ADGRB3: variants seen among roughly 807,000 people sequenced by gnomAD.
The protein encoded by ADGRB3 is adhesion G protein-coupled receptor B3, also known as brain-specific angiogenesis inhibitor 3.
Under a neutral mutation model 193.4 loss-of-function variants are expected in ADGRB3, and 37 were observed. The observed-to-expected ratio is 0.19, with a 90% CI of 0.15 to 0.25. The LOEUF (loss-of-function observed/expected upper bound fraction) is 0.25, where lower values mean the gene tolerates loss of function less well. Among genes scored for constraint, ADGRB3 ranks in the 10% least tolerant of loss-of-function variants. The pLI, the probability that ADGRB3 is intolerant of heterozygous loss-of-function variation, is 1.00. For synonymous variants in ADGRB3, 690 were observed against 644.2 expected (o/e 1.07, Z -1.08); for missense variants, 1,637 against 1,852.9 (o/e 0.88, Z 2.14).
intron 17 of ADGRB3, among the ~76,000 whole-genome samples, chr6:69,203,711 T>A (rs996499117): frequency 1.3e-5 from 2 of 152,284 alleles, no homozygotes; most frequent in East Asian, 3.9e-4. Context: ...CATGTATCAT[T>A]ACATCTTTCT....
intron 6 of ADGRB3, among the ~76,000 whole-genome samples, chr6:68,953,189 C>T (rs953820848): frequency 6.6e-6 from 1 of 152,088 alleles, no homozygotes; most frequent in Non-Finnish European, 1.5e-5. Context: ...CTCTTATTCT[C>T]TCTTTGCCAG....
intron 17 of ADGRB3, among the ~76,000 whole-genome samples, chr6:69,178,616 C>T (rs889772265): frequency 6.6e-6 from 1 of 152,078 alleles, no homozygotes; most frequent in Non-Finnish European, 1.5e-5. Flanking sequence ...TTTAGAACTC[C>T]CTTAAGGATT....
intron 3 of ADGRB3, among the ~76,000 whole-genome samples, chr6:68,762,818 A>T (rs1028080554): frequency 6.6e-6 from 1 of 152,110 alleles, no homozygotes; most frequent in East Asian, 1.9e-4. Context: ...CATTCTCTCA[A>T]AAAACCTGCT....
At chr6:69,327,083 T>C (rs973177646) in intron 21 of ADGRB3, among the ~76,000 whole-genome samples, 4 of 151,842 alleles carry the variant, frequency 2.6e-5, no homozygotes, top group African/African-American at 9.7e-5. Context: ...AATGATTAGA[T>C]GACGGATTTT....
At chr6:69,146,270 C>T (rs1423519822) in intron 17 of ADGRB3, among the ~76,000 whole-genome samples, 3 of 152,184 alleles carry the variant, frequency 2.0e-5, no homozygotes, top group African/African-American at 7.2e-5. Context: ...AGCATGAGTA[C>T]ACCTGGCCAG....
intron 17 of ADGRB3, among the ~76,000 whole-genome samples, chr6:69,226,789 T>C (rs894275263): frequency 5.9e-5 from 9 of 152,224 alleles, no homozygotes; most frequent in African/African-American, 9.6e-5. Context: ...GCGTATAACC[T>C]CACTAACATG....
chr6:68,881,505 G>A (rs1019759090), intron 3 of ADGRB3, among the ~76,000 whole-genome samples: 2 of 152,090 alleles, frequency 1.3e-5, no homozygotes, highest in African/African-American at 4.8e-5. Context: ...ACGAGTACAC[G>A]GATGACTAAG....
At chr6:68,879,148 A>C (rs997627726) in intron 3 of ADGRB3, among the ~76,000 whole-genome samples, 1 of 151,842 alleles carries the variant, frequency 6.6e-6, no homozygotes, top group Non-Finnish European at 1.5e-5. Flanking sequence ...ATGTCTGGAA[A>C]TAGGTGCTCC....
At chr6:69,333,936 CAAAATAAAATAAAATAAAATAAAAT>C (rs70987461) in intron 24 of ADGRB3, among the ~76,000 whole-genome samples, 7,380 of 110,368 alleles carry the variant, frequency 0.067, 455 homozygotes, top group East Asian at 0.1. Context: ...TCTCAAAAAA[CAAAATAAAATAAAATAAAATAAAAT>C]AAAATAAAAT....
intron 13 of ADGRB3, among the ~76,000 whole-genome samples, chr6:69,033,841 G>A (rs1770785645): frequency 1.3e-5 from 2 of 152,030 alleles, no homozygotes; most frequent in South Asian, 2.1e-4. Context: ...AAACTGAATT[G>A]AGAATCCTAC....
intron 3 of ADGRB3, among the ~76,000 whole-genome samples, chr6:68,814,744 A>G (rs1767594331): frequency 6.7e-6 from 1 of 148,334 alleles, no homozygotes; most frequent in Admixed American, 6.7e-5. Context: ...TTAATAAAAT[A>G]CTGGCAAACC....
At chr6:68,766,338 C>G (rs1766507844) in intron 3 of ADGRB3, among the ~76,000 whole-genome samples, 1 of 151,792 alleles carries the variant, frequency 6.6e-6, no homozygotes, top group African/African-American at 2.4e-5. Flanking sequence ...AGGTACTATA[C>G]TAGTTCCTTC....
intron 3 of ADGRB3, among the ~76,000 whole-genome samples, chr6:68,750,802 T>A (rs1283517809): frequency 2.6e-5 from 4 of 152,202 alleles, no homozygotes; most frequent in African/African-American, 9.6e-5. Flanking sequence ...TTAAAGCACA[T>A]AACCAAATAT....
At chr6:68,822,760 C>G (rs931159859) in intron 3 of ADGRB3, among the ~76,000 whole-genome samples, 1 of 151,904 alleles carries the variant, frequency 6.6e-6, no homozygotes, top group Non-Finnish European at 1.5e-5. Context: ...AAATAGAAAT[C>G]GTCATTCAAA....
intron 20 of ADGRB3, among the ~76,000 whole-genome samples, chr6:69,255,365 AC>A (rs1766737048): frequency 6.6e-6 from 1 of 152,070 alleles, no homozygotes; most frequent in East Asian, 1.9e-4. Flanking sequence ...CCTCTCCAGC[AC>A]CTGTTGTTTC....
chr6:69,283,149 G>C (rs1767471685), intron 20 of ADGRB3, among the ~76,000 whole-genome samples: 1 of 152,134 alleles, frequency 6.6e-6, no homozygotes, highest in Non-Finnish European at 1.5e-5. Context: ...AAAATAATTG[G>C]AATTTTATTC....
Position 68,993,881 on chromosome 6 carries a change from T to A in ADGRB3, c.1848T>A (p.Leu616=), listed in dbSNP as rs139281861. ...TQRKNFYAGD[L]LMSVEILRNV... is the part of the protein sequence containing the mutation. ...GAAAAAATTTCTATGCAGGCGATCT[T>A]CTGATGTCTGTGGAGATCCTGAGAA... Residue 616 remains leucine, a synonymous_variant, in exon 11 of 32, where the codon CTT becomes CTA. Coordinates refer to ENST00000370598, the MANE Select transcript of ADGRB3 (RefSeq NM_001704.3). 1.1e-4 allele frequency: 183 copies of A among 1,613,880 alleles called. No homozygotes were observed. Among genetic ancestry groups the A allele is most frequent in the Non-Finnish European group, 1.5e-4 (175 of 1,179,900 alleles).
At chr6:69,153,878 A>G (rs1774751915) in intron 17 of ADGRB3, among the ~76,000 whole-genome samples, 1 of 152,112 alleles carries the variant, frequency 6.6e-6, no homozygotes, top group Non-Finnish European at 1.5e-5. Context: ...CTGTAGTCCC[A>G]GCTACTCGGG....
chr6:69,348,847 C>G (rs1163958368), intron 26 of ADGRB3, among the ~76,000 whole-genome samples: 1 of 152,184 alleles, frequency 6.6e-6, no homozygotes, highest in Non-Finnish European at 1.5e-5. Flanking sequence ...TATTTTTTAT[C>G]TAAATCATAA....
Sources: gnomAD v4.1 joint callset for allele counts (sites outside exome capture counted in the v4.1 genomes callset) on GRCh38, gnomAD v4.1.1 for gene constraint, MANE v1.5 for transcripts, NCBI Gene and HGNC (gene_info 2026-07-23, HGNC 2026-07-21) for gene names.